SPICE1: variants seen among roughly 807,000 people sequenced by gnomAD.
The protein encoded by SPICE1 is spindle and centriole-associated protein 1.
Under a neutral mutation model 102.7 loss-of-function variants are expected in SPICE1, and 75 were observed. The observed-to-expected ratio is 0.73, with a 90% CI of 0.61 to 0.88. SPICE1 has a LOEUF of 0.88. Ranked by LOEUF, SPICE1 falls within the 40% of genes least tolerant of loss-of-function variation. The probability of loss-of-function intolerance (pLI) is 0.00; values close to 1 mark genes in which losing one functional copy is unlikely to be tolerated. For synonymous variants in SPICE1, 308 were observed against 350.3 expected (o/e 0.88, Z 1.35); for missense variants, 979 against 1,020.1 (o/e 0.96, Z 0.55).
chr3:113,481,550 C>T (rs1027624861), intron 7 of SPICE1, among the ~76,000 whole-genome samples: 11 of 152,066 alleles, frequency 7.2e-5, no homozygotes, highest in Non-Finnish European at 1.3e-4. Flanking sequence ...TTTCTCCTAA[C>T]GCTATCCCTC....
rs574906048 is a variant in SPICE1, at chr3:113,469,413, A to T, written c.612-175T>A. Among the ~76,000 whole-genome samples, 803 of 145,078 alleles carry T rather than the reference A, an allele frequency of 5.5e-3. 9 individuals are homozygous for T. Among genetic ancestry groups the T allele is most frequent in the African/African-American group, 0.019 (771 of 40,204 alleles). ...ATATATAAATATGCATATAAATTTA[A>T]TTATAATTTATAATTAAATTATATA... On this transcript the variant is annotated intron_variant, in intron 7 of 17. Coordinates refer to ENST00000295872, the MANE Select transcript of SPICE1 (RefSeq NM_144718.4).
intron 8 of SPICE1, 78 bp from the exon 9 acceptor site, chr3:113,468,977 A>G (rs531928401): frequency 5.1e-6 from 8 of 1,563,744 alleles, no homozygotes; most frequent in African/African-American, 1.4e-5. Flanking sequence ...CAGATCCATC[A>G]GTATTTTAGT....
chr3:113,468,337 G>T lies in SPICE1; in HGVS notation c.957C>A (p.Thr319=). ...PKKNISSGST[T]SADLPNRTNS... ...TAGTCCTATTTGGTAAGTCTGCAGA[G>T]GTTGTGCTACCTGATGATATGTTTT... The change falls in exon 10 of 18, where the codon ACC becomes ACA. Residue 319 remains threonine (T), a synonymous_variant. Transcript: ENST00000295872. 6.2e-7 allele frequency: 1 copy of T among 1,614,182 alleles called. No individual in the cohort carries two copies. The highest frequency in any genetic ancestry group is 8.5e-7 in the Non-Finnish European group (1 of 1,180,030).
At chr3:113,457,107 C>T (rs757996855) in intron 13 of SPICE1, 29 bp downstream of exon 13, 2 of 1,598,144 alleles carry the variant, frequency 1.3e-6, no homozygotes, top group Non-Finnish European at 1.7e-6. Context: ...TAAAAAACAA[C>T]TTTCATGTAA....
intron 16 of SPICE1, among the ~76,000 whole-genome samples, chr3:113,447,817 C>T (rs1373581488): frequency 1.3e-5 from 2 of 152,190 alleles, no homozygotes; most frequent in African/African-American, 4.8e-5. Context: ...TGTTATCTCA[C>T]TTTTGTTTTC....
Position 113,444,476 on chromosome 3 carries a change from G to A in SPICE1, c.*831C>T, listed in dbSNP as rs1430057626. On this transcript the variant is annotated 3_prime_UTR_variant, in exon 18 of 18. Transcript: ENST00000295872. The stretch of plus-strand genomic sequence containing the variant: ...ATTATACAACTGCACTCCAGCCTGG[G>A]CAATAAAGCAAGACTCTGTCTCAAA... 1 of 145,864 alleles carries A rather than the reference G, an allele frequency of 6.9e-6. No individual in the cohort carries two copies. The highest frequency in any genetic ancestry group is 1.5e-5 in the Non-Finnish European group (1 of 67,214). 9.0% of individuals were successfully genotyped at this position (145,864 alleles called of 1,614,324 possible).
chr3:113,454,500 G>A (rs1935734706), intron 13 of SPICE1, among the ~76,000 whole-genome samples: 1 of 152,112 alleles, frequency 6.6e-6, no homozygotes, highest in African/African-American at 2.4e-5. Flanking sequence ...CCTCAGGTCA[G>A]GAGTTCGAGA....
intron 1 of SPICE1, among the ~76,000 whole-genome samples, chr3:113,509,428 A>C (rs1262968897): frequency 7.0e-6 from 1 of 143,574 alleles, no homozygotes; most frequent in Non-Finnish European, 1.5e-5. Context: ...TGACAGGAAA[A>C]TACATAAGAA....
chr3:113,464,470 G>GA (rs1030772130), intron 11 of SPICE1, among the ~76,000 whole-genome samples: 27 of 151,944 alleles, frequency 1.8e-4, no homozygotes, highest in African/African-American at 6.3e-4. Flanking sequence ...TACCCAGGCT[G>GA]ATCTCAAACT....
intron 11 of SPICE1, among the ~76,000 whole-genome samples, chr3:113,462,759 C>T (rs1236400502): frequency 2.0e-5 from 3 of 152,098 alleles, no homozygotes; most frequent in Non-Finnish European, 4.4e-5. Context: ...ACTAAGGGCA[C>T]GCGACCCAAG....
chr3:113,464,258 T>G (rs1347648509), intron 11 of SPICE1, among the ~76,000 whole-genome samples: 2 of 131,964 alleles, frequency 1.5e-5, no homozygotes, highest in African/African-American at 2.8e-5. Context: ...TTTTTGTTGT[T>G]TTTTTTTTTT....
In SPICE1 at chr3:113,493,296, T is replaced by A; in HGVS notation, c.402A>T (p.Thr134=). ...GACCCTGAGAGGAATCAGGAGCCAC[T>A]GTTACATTTGGAAACCCTGCAAAAG... is the stretch of plus-strand genomic sequence containing the variant. The part of the protein sequence containing the change: ...PRRRTGFPNV[T]VAPDSSQGPI... Residue 134 remains threonine (T), a synonymous_variant, in exon 6 of 18, where the codon ACA becomes ACT. Coordinates refer to ENST00000295872, the MANE Select transcript of SPICE1 (RefSeq NM_144718.4). The A allele has an allele frequency of 6.2e-7, 1 of 1,613,928 alleles. No individual in the cohort carries two copies. The highest frequency in any genetic ancestry group is 8.5e-7 in the Non-Finnish European group (1 of 1,179,866).
chr3:113,448,752 C>T (rs1362919981), intron 15 of SPICE1: 1 of 152,160 alleles, frequency 6.6e-6, no homozygotes, highest in Non-Finnish European at 1.5e-5. Context: ...CTTTGTGTGA[C>T]TTCCTGGCTT....
chr3:113,496,098 C>A (rs1182387847), intron 4 of SPICE1, among the ~76,000 whole-genome samples: 2 of 100,026 alleles, frequency 2.0e-5, no homozygotes, highest in African/African-American at 8.1e-5. Context: ...CATCAGCTAT[C>A]ATTAATGTTA....
chr3:113,497,341 T>C (rs1368601992), intron 4 of SPICE1, among the ~76,000 whole-genome samples: 2 of 152,176 alleles, frequency 1.3e-5, no homozygotes, highest in Non-Finnish European at 2.9e-5. Context: ...TATAGGAGGG[T>C]ATTTTTTTAT....
At chr3:113,472,710 C>A (rs1197274261) in intron 7 of SPICE1, among the ~76,000 whole-genome samples, 1 of 152,200 alleles carries the variant, frequency 6.6e-6, no homozygotes, top group African/African-American at 2.4e-5. Context: ...CTCCAACAGA[C>A]CTACAGCTGA....
At chr3:113,453,301 T>C (rs1419489715) in intron 14 of SPICE1, among the ~76,000 whole-genome samples, 165 bp downstream of exon 14, 1 of 152,184 alleles carries the variant, frequency 6.6e-6, no homozygotes, top group Non-Finnish European at 1.5e-5. Context: ...TACAACAGAC[T>C]GATAAATAAC....
At chr3:113,474,697 A>G (rs947319253) in intron 7 of SPICE1, among the ~76,000 whole-genome samples, 2 of 152,248 alleles carry the variant, frequency 1.3e-5, no homozygotes, top group Non-Finnish European at 2.9e-5. Context: ...TACTGGGTAC[A>G]TAAATAAATG....
chr3:113,453,522 G>GCT lies in SPICE1; in HGVS notation c.2084_2085dup (p.Gln696SerfsTer9). On this transcript the variant is annotated frameshift_variant, in exon 14 of 18. Coordinates refer to ENST00000295872, the MANE Select transcript of SPICE1 (RefSeq NM_144718.4). LOFTEE classifies it high-confidence loss of function. The stretch of plus-strand genomic sequence containing the variant: ...TTCAACTCCCGGAGTCCATCCCCTT[G>GCT]CTCTCCTCTGGGCTCAATAATATTA... 1 of 1,613,972 alleles carries GCT rather than the reference G, an allele frequency of 6.2e-7. No individual in the cohort carries two copies. The highest frequency in any genetic ancestry group is 1.3e-5 in the African/African-American group (1 of 75,004).
Sources: allele counts gnomAD v4.1 joint callset (sites outside exome capture counted in the v4.1 genomes callset), GRCh38; gene constraint gnomAD v4.1.1; transcripts MANE v1.5; gene names NCBI Gene and HGNC (gene_info 2026-07-23, HGNC 2026-07-21).